The following ZNF577 variants were observed in gnomAD, a reference collection of about 807,000 sequenced individuals.
ZNF577 encodes zinc finger protein 577.
ZNF577 carries 14 observed loss-of-function variants against 13.9 expected under a neutral mutation model. The observed-to-expected ratio is 1.00, with a 90% CI of 0.66 to 1.57. The LOEUF is 1.57. Ranked by LOEUF, ZNF577 falls within the 40% of genes most tolerant of loss-of-function variation. ZNF577 has a pLI of 0.00. For missense variants in ZNF577, 555 were observed against 579.2 expected, an observed-to-expected ratio of 0.96 and a Z score of 0.43; for synonymous variants, 203 against 202.9, an observed-to-expected ratio of 1.00 and a Z score of 0.00.
At chr19:51,808,097 T>C (rs2084072512) in intron 10 of ZNF577, among the ~76,000 whole-genome samples, 1 of 152,252 alleles carries the variant, frequency 6.6e-6, no homozygotes, top group Non-Finnish European at 1.5e-5. Flanking sequence ...CTACAAGCTG[T>C]AATTTGGCTT....
chr19:51,881,432 A>T (rs1227304367), intron 1 of ZNF577, among the ~76,000 whole-genome samples: 2 of 152,216 alleles, frequency 1.3e-5, no homozygotes, highest in African/African-American at 4.8e-5. Context: ...TACAAACCAT[A>T]AGCACTGTCT....
At chr19:51,880,175 C>G in intron 3 of ZNF577, 148 bp downstream of exon 3, 1 of 847,772 alleles carries the variant, frequency 1.2e-6, no homozygotes, top group Non-Finnish European at 1.9e-6. Flanking sequence ...TGGCATTACT[C>G]CTTAGCTTAC....
At chr19:51,823,681 T>C in intron 9 of ZNF577, 1 of 1,293,094 alleles carries the variant, frequency 7.7e-7, no homozygotes. Flanking sequence ...AGTTAATGAA[T>C]AGTTGTATTG....
downstream of ZNF577, among the ~76,000 whole-genome samples, chr19:51,865,766 T>C (rs1193208821): frequency 1.3e-5 from 2 of 152,188 alleles, no homozygotes; most frequent in East Asian, 1.9e-4. Flanking sequence ...TTGTTGGTTC[T>C]CACTCACCTG....
chr19:51,877,469 C>T (rs1371483712), intron 4 of ZNF577, 92 bp from the exon 5 acceptor site: 2 of 1,058,912 alleles, frequency 1.9e-6, no homozygotes, highest in Non-Finnish European at 1.4e-6. Context: ...ACAGCATTTG[C>T]ACTTTGATAA....
chr19:51,878,778 A>G, intron 3 of ZNF577: 1 of 323,196 alleles, frequency 3.1e-6, no homozygotes, highest in Admixed American at 4.2e-5. Context: ...CAATAATCTA[A>G]ATGTCTATCA....
chr19:51,855,500 G>A (rs928383775), intron 5 of ZNF577, among the ~76,000 whole-genome samples: 7 of 151,684 alleles, frequency 4.6e-5, no homozygotes, highest in South Asian at 2.1e-4. Context: ...TGAACTACTG[G>A]TACCCTCAGG....
intron 10 of ZNF577, among the ~76,000 whole-genome samples, chr19:51,809,765 A>G (rs2084084279): frequency 6.6e-6 from 1 of 152,148 alleles, no homozygotes; most frequent in Non-Finnish European, 1.5e-5. Context: ...GTCTGCCCCA[A>G]CTAACATTAC....
In ZNF577 at chr19:51,855,069, T is replaced by G. The variant is rs1041463428; in HGVS notation, c.284-10138A>C. On this transcript the variant is annotated intron_variant and NMD_transcript_variant, in intron 5 of 10. Transcript: ENST00000638827. The stretch of plus-strand genomic sequence containing the variant: ...ACATATGAGCCTCCTCAGGGGTAGT[T>G]TCAGTTGACAACCTCATTTCCTGAA... Among the ~76,000 whole-genome samples the G allele has an allele frequency of 3.3e-5, 5 of 152,326 alleles. No individual in the cohort carries two copies. In the East Asian group the frequency reaches 5.8e-4, roughly 18 times the overall value.
At chr19:51,830,981 TA>T (rs1257171397) in intron 9 of ZNF577, among the ~76,000 whole-genome samples, 1 of 152,186 alleles carries the variant, frequency 6.6e-6, no homozygotes, top group Non-Finnish European at 1.5e-5. Flanking sequence ...ATCATCAAAG[TA>T]AAACTATCAA....
rs2084633499 is a variant in ZNF577 at position 51,869,984 on chromosome 19, T to C, written c.*2548A>G. Among the ~76,000 whole-genome samples the C allele has an allele frequency of 1.3e-5, 2 of 152,200 alleles. No homozygotes were observed. The highest frequency in any genetic ancestry group is 4.8e-5 in the African/African-American group (2 of 41,464). On this transcript the variant is annotated 3_prime_UTR_variant, in exon 6 of 6. Coordinates refer to ENST00000638348, the MANE Select transcript of ZNF577 (RefSeq NM_001370449.1). ...GCACAAATTCAGCTGAGCTTGCTTC[T>C]CCCTCTCAGGGAACCTGGTGCTGAT...
At chr19:51,846,075 A>T (rs1647590684) in intron 5 of ZNF577, among the ~76,000 whole-genome samples, 1 of 151,454 alleles carries the variant, frequency 6.6e-6, no homozygotes, top group Non-Finnish European at 1.5e-5. Context: ...GTGCAGTGGC[A>T]CTGTCATGGC....
chr19:51,841,211 A>G (rs1028166573), intron 8 of ZNF577, among the ~76,000 whole-genome samples: 3 of 152,174 alleles, frequency 2.0e-5, no homozygotes, highest in Non-Finnish European at 4.4e-5. Flanking sequence ...ATGTCCCCCC[A>G]GGCCCCTCTC....
intron 9 of ZNF577, chr19:51,839,724 A>C (rs1400639274): frequency 6.6e-6 from 1 of 151,990 alleles, no homozygotes; most frequent in East Asian, 1.9e-4. Context: ...ACCGACTTCC[A>C]CTCGACGCTG....
rs1471025583 is a variant in ZNF577 at position 51,887,509 on chromosome 19, G to A, written c.-907C>T. 6.6e-6 allele frequency: 1 copy of A among 152,150 alleles called. No homozygotes were observed. The highest frequency in any genetic ancestry group is 2.4e-5 in the African/African-American group (1 of 41,414). 9.4% of individuals were successfully genotyped at this position (152,150 alleles called of 1,614,324 possible). ...GAATATACAGCAGCAGGGAAGCAAGGGGACCAGCAGACCCCTTTTTAAGTA... is the reference window on the plus strand; with the variant it reads ...GAATATACAGCAGCAGGGAAGCAAGAGGACCAGCAGACCCCTTTTTAAGTA... On this transcript the variant is annotated 5_prime_UTR_variant, in exon 1 of 6. Coordinates refer to ENST00000638348, the MANE Select transcript of ZNF577 (RefSeq NM_001370449.1).
chr19:51,824,446 T>A lies in ZNF577; in HGVS notation c.*600-12772A>T. 1 of 1,614,114 alleles carries A rather than the reference T, an allele frequency of 6.2e-7. No homozygotes were observed. Among genetic ancestry groups the A allele is most frequent in the Non-Finnish European group, 8.5e-7 (1 of 1,180,010 alleles). On this transcript the variant is annotated intron_variant and NMD_transcript_variant, in intron 9 of 10. Coordinates refer to the ZNF577 transcript ENST00000638827. The surrounding 1 kb of genome is among the most constrained non-coding windows in gnomAD (Gnocchi z 4.7). ...GCTGCCAAAATTCACAGAAACCACA[T>A]GATTAAATCCAGCCGTCCCTTACGT... is the stretch of plus-strand genomic sequence containing the variant.
chr19:51,826,822 G>A (rs1219781784), intron 9 of ZNF577, among the ~76,000 whole-genome samples: 1 of 152,232 alleles, frequency 6.6e-6, no homozygotes, highest in Non-Finnish European at 1.5e-5. Flanking sequence ...TCATAGGAGA[G>A]TGGAAAGTGG....
At position 51,872,942 on chromosome 19, in the gene ZNF577, C is replaced by T. The variant is rs773945560; in HGVS notation, c.1048G>A (p.Gly350Arg). The T allele has an allele frequency of 8.7e-6, 14 of 1,614,062 alleles. No homozygotes were observed. In the African/African-American group the frequency reaches 9.3e-5, roughly 11 times the overall value. Residue 350 changes from glycine to arginine, a missense_variant, in exon 6 of 6, where the codon GGA (glycine) becomes AGA (arginine). Coordinates refer to ENST00000638348, the MANE Select transcript of ZNF577 (RefSeq NM_001370449.1). Reference protein sequence around the residue: ...KLIQHQRTHTGERPYSCRECG... With the variant: ...KLIQHQRTHTRERPYSCRECG... ...TCTCTGCATGAATATGGTCTCTCTC[C>T]AGTGTGAGTACGCTGATGCTGAATG...
At chr19:51,845,520 C>A (rs1372222455) in intron 5 of ZNF577, among the ~76,000 whole-genome samples, 1 of 151,846 alleles carries the variant, frequency 6.6e-6, no homozygotes, top group Non-Finnish European at 1.5e-5. Flanking sequence ...TAATACAATA[C>A]CTTGTTATTT....
Sources: gnomAD v4.1 joint callset for allele counts (sites outside exome capture counted in the v4.1 genomes callset) on GRCh38, gnomAD v4.1.1 for gene constraint, Gnocchi (gnomAD v3.1) non-coding constraint, MANE v1.5 for transcripts, NCBI Gene and HGNC (gene_info 2026-07-23, HGNC 2026-07-21) for gene names.